EPN2: variants seen among roughly 807,000 people sequenced by gnomAD.
EPN2 encodes the protein epsin 2.
Under a neutral mutation model 61.7 loss-of-function variants are expected in EPN2, and 34 were observed. That is an observed-to-expected ratio of 0.55 (90% confidence interval 0.42 to 0.73). The LOEUF (loss-of-function observed/expected upper bound fraction) is 0.73, where lower values mean the gene tolerates loss of function less well. Ranked by LOEUF, EPN2 falls within the 30% of genes least tolerant of loss-of-function variation. The pLI is 0.00. For synonymous variants in EPN2, 349 were observed against 353.6 expected (o/e 0.99, Z 0.15); for missense variants, 714 against 839.2 (o/e 0.85, Z 1.84).
chr17:19,290,284 C>T (rs535966452), intron 4 of EPN2, among the ~76,000 whole-genome samples: 1 of 152,302 alleles, frequency 6.6e-6, no homozygotes, highest in African/African-American at 2.4e-5. Flanking sequence ...GAGCAGCCCA[C>T]ATGTTACCCG....
intron 4 of EPN2, among the ~76,000 whole-genome samples, chr17:19,289,319 C>T (rs559778339): frequency 2.0e-5 from 3 of 152,060 alleles, no homozygotes; most frequent in South Asian, 2.1e-4. Context: ...CTCCTGACCC[C>T]GTGATCCGCC....
intron 1 of EPN2, chr17:19,249,520 G>A (rs1057126428): frequency 1.3e-5 from 2 of 152,230 alleles, no homozygotes; most frequent in East Asian, 3.8e-4. Context: ...ATGACCATGT[G>A]GTAAAGGTAA....
At chr17:19,333,816 C>A in intron 10 of EPN2, 140 bp from the exon 11 acceptor site, 1 of 584,086 alleles carries the variant, frequency 1.7e-6, no homozygotes, top group East Asian at 3.1e-5. Context: ...TTGCTAGTGT[C>A]TGCCATGGAC....
At chr17:19,241,201 T>C (rs971935198) in intron 1 of EPN2, among the ~76,000 whole-genome samples, 6 of 152,068 alleles carry the variant, frequency 3.9e-5, no homozygotes, top group Admixed American at 3.3e-4. Flanking sequence ...GGTGATATGA[T>C]TAAGGTGGTT....
At chr17:19,294,615 A>T (rs2045497208) in intron 4 of EPN2, among the ~76,000 whole-genome samples, 1 of 152,228 alleles carries the variant, frequency 6.6e-6, no homozygotes, top group Non-Finnish European at 1.5e-5. Context: ...TAGCAACAGT[A>T]TGATACATAG....
intron 7 of EPN2, among the ~76,000 whole-genome samples, chr17:19,324,861 C>A (rs1316684547): frequency 6.6e-6 from 1 of 152,066 alleles, no homozygotes; most frequent in African/African-American, 2.4e-5. Context: ...GAGTAATAGA[C>A]AAATTTCTGG....
chr17:19,282,547 G>A (rs2045368203), intron 2 of EPN2: 1 of 152,182 alleles, frequency 6.6e-6, no homozygotes, highest in South Asian at 2.1e-4. Flanking sequence ...TCCCATTTCA[G>A]CTTCGCAAAG....
intron 4 of EPN2, among the ~76,000 whole-genome samples, chr17:19,301,411 G>C (rs1415555811): frequency 6.6e-6 from 1 of 152,204 alleles, no homozygotes; most frequent in Non-Finnish European, 1.5e-5. Context: ...CACTGTAAGT[G>C]CTGAGTCCAC....
At chr17:19,328,642 T>C in intron 7 of EPN2, 69 bp from the exon 8 acceptor site, 1 of 1,429,068 alleles carries the variant, frequency 7.0e-7, no homozygotes, top group Non-Finnish European at 9.5e-7. Flanking sequence ...CAGTATCCTT[T>C]TCCCTTCTCA....
At chr17:19,289,724 G>GTTTTGTTTTGTTTTTTTTTTTTT (rs772230550) in intron 4 of EPN2, among the ~76,000 whole-genome samples, 2 of 78,028 alleles carry the variant, frequency 2.6e-5, no homozygotes, top group East Asian at 1.2e-3. Flanking sequence ...GGCGCTCATG[G>GTTTTGTTTTGTTTTTTTTTTTTT]TTTTTTTTTT....
intron 1 of EPN2, among the ~76,000 whole-genome samples, chr17:19,244,556 G>C (rs1670323979): frequency 6.6e-6 from 1 of 152,012 alleles, no homozygotes; most frequent in Admixed American, 6.6e-5. Flanking sequence ...ATGGACCACT[G>C]GTGTTAATGG....
intron 7 of EPN2, among the ~76,000 whole-genome samples, chr17:19,325,324 T>C (rs1252397904): frequency 6.6e-6 from 1 of 152,200 alleles, no homozygotes; most frequent in African/African-American, 2.4e-5. Flanking sequence ...AGTCTGGTTA[T>C]GAATATAGAT....
chr17:19,247,997 G>A (rs1281989478), intron 1 of EPN2, among the ~76,000 whole-genome samples: 1 of 152,192 alleles, frequency 6.6e-6, no homozygotes, highest in Admixed American at 6.5e-5. Flanking sequence ...CAATCAAGGG[G>A]GAGCCAGTAA....
intron 1 of EPN2, among the ~76,000 whole-genome samples, chr17:19,241,765 C>A (rs1965359250): frequency 6.6e-6 from 1 of 151,850 alleles, no homozygotes; most frequent in Admixed American, 6.6e-5. Context: ...TAATTTCCAT[C>A]AACATTTAAC....
chr17:19,304,075 T>C (rs989022259), intron 4 of EPN2: 11 of 150,286 alleles, frequency 7.3e-5, no homozygotes, highest in African/African-American at 2.7e-4. Flanking sequence ...TGCACTCCAG[T>C]CTAGGTGACA....
At position 19,285,800 on chromosome 17, in the gene EPN2, C is replaced by T. The variant is rs1426627785; in HGVS notation, c.766+10C>T. 3.2e-6 allele frequency: 5 copies of T among 1,568,934 alleles called. No homozygotes were observed. Among genetic ancestry groups the T allele is most frequent in the East Asian group, 4.6e-5 (2 of 43,036 alleles). ...GACCGCGCAGCCCGAGGTGGGACGG[C>T]GGTTTGCTTTTTTCCTTACTAGAAA... On this transcript the variant is annotated intron_variant, in intron 4 of 10. Transcript: ENST00000314728. The surrounding 1 kb of genome is among the most constrained non-coding windows in gnomAD (Gnocchi z 4.5).
intron 4 of EPN2, among the ~76,000 whole-genome samples, chr17:19,292,036 G>A (rs1256691066): frequency 2.0e-5 from 3 of 152,172 alleles, no homozygotes; most frequent in Non-Finnish European, 4.4e-5. Context: ...TGAAAAGGGA[G>A]TCCTACATGG....
In EPN2 at chr17:19,334,341, G is replaced by C. The variant is rs1285681390; in HGVS notation, c.*87G>C. On this transcript the variant is annotated 3_prime_UTR_variant, in exon 11 of 11. Coordinates refer to ENST00000314728, the MANE Select transcript of EPN2 (RefSeq NM_014964.5). This position sits in a 1 kb window ranked among gnomAD's most constrained non-coding sequence, Gnocchi z 4.9. ...TCTGTGGGACGGGATCCAAGAGTTT[G>C]GGGATTAGGGGTATTAGGGCTTTTC... is the stretch of plus-strand genomic sequence containing the variant. 4 of 1,157,032 alleles carry C rather than the reference G, an allele frequency of 3.5e-6. No homozygotes were observed. In the East Asian group the frequency reaches 1.2e-4, roughly 35 times the overall value. 71.7% of individuals were successfully genotyped at this position (1,157,032 alleles called of 1,614,324 possible).
In EPN2 at chr17:19,321,444, T is replaced by C. The variant is rs181596295; in HGVS notation, c.1148-7267T>C. On this transcript the variant is annotated intron_variant, in intron 7 of 10. Transcript: ENST00000314728. The stretch of plus-strand genomic sequence containing the variant: ...TGGGGGACTGGAGTTGGGGACACTT[T>C]GCAGATTGACTTTAACCAGTGAGAA... Among the ~76,000 whole-genome samples the C allele has an allele frequency of 7.9e-5, 12 of 152,262 alleles. No homozygotes were observed. The East Asian group carries it at 2.1e-3, about 27-fold the overall frequency.
Sources: allele counts gnomAD v4.1 joint callset (sites outside exome capture counted in the v4.1 genomes callset), GRCh38; gene constraint gnomAD v4.1.1; non-coding constraint Gnocchi (gnomAD v3.1); transcripts MANE v1.5; gene names NCBI Gene and HGNC (gene_info 2026-07-23, HGNC 2026-07-21).